CSGALNACT1: variants seen among roughly 807,000 people sequenced by gnomAD.
CSGALNACT1 encodes chondroitin sulfate N-acetylgalactosaminyltransferase 1, also known as beta4GalNAcT-1.
CSGALNACT1 carries 52 observed loss-of-function variants against 51.0 expected under a neutral mutation model. The observed-to-expected ratio is 1.02, with a 90% CI of 0.82 to 1.29. The LOEUF (loss-of-function observed/expected upper bound fraction) is 1.29, where lower values mean the gene tolerates loss of function less well. Ranked by LOEUF, CSGALNACT1 falls within the 50% of genes most tolerant of loss-of-function variation. The pLI is 0.00. For synonymous variants in CSGALNACT1, 341 were observed against 254.4 expected, an observed-to-expected ratio of 1.34 and a Z score of -3.24; for missense variants, 935 against 679.2, an observed-to-expected ratio of 1.38 and a Z score of -4.19.
intron 1 of CSGALNACT1, among the ~76,000 whole-genome samples, chr8:19,615,276 C>A (rs907023635): frequency 6.6e-6 from 1 of 152,184 alleles, no homozygotes; most frequent in Admixed American, 6.5e-5. Context: ...GTACTCCAGC[C>A]TGGGGGACAA....
chr8:19,610,803 C>A (rs1261665526), intron 1 of CSGALNACT1, among the ~76,000 whole-genome samples: 1 of 152,208 alleles, frequency 6.6e-6, no homozygotes, highest in South Asian at 2.1e-4. Flanking sequence ...GGCAAGAAAC[C>A]GGGATACGGA....
intron 1 of CSGALNACT1, among the ~76,000 whole-genome samples, chr8:19,739,515 G>C (rs1460548732): frequency 6.6e-6 from 1 of 152,104 alleles, no homozygotes; most frequent in Non-Finnish European, 1.5e-5. Flanking sequence ...TTCACAAAAA[G>C]AATCACAGCA....
chr8:19,433,142 T>G (rs576333932), intron 6 of CSGALNACT1, among the ~76,000 whole-genome samples: 9 of 152,222 alleles, frequency 5.9e-5, no homozygotes, highest in Non-Finnish European at 1.0e-4. Flanking sequence ...TTCTTTATTG[T>G]GCGACCACTT....
intron 4 of CSGALNACT1, among the ~76,000 whole-genome samples, chr8:19,478,716 T>C (rs996724972): frequency 1.3e-5 from 2 of 152,146 alleles, no homozygotes; most frequent in Non-Finnish European, 2.9e-5. Context: ...CCCCCCTTTC[T>C]CCACTGCTGA....
chr8:19,551,727 C>T (rs1038267377), intron 3 of CSGALNACT1, among the ~76,000 whole-genome samples: 1 of 150,724 alleles, frequency 6.6e-6, no homozygotes, highest in East Asian at 1.9e-4. Flanking sequence ...CCAATTCCCA[C>T]TCAACAATTT....
At chr8:19,527,472 T>C (rs1408852800) in intron 3 of CSGALNACT1, among the ~76,000 whole-genome samples, 1 of 151,866 alleles carries the variant, frequency 6.6e-6, no homozygotes, top group African/African-American at 2.4e-5. Flanking sequence ...TAGCCAGGCA[T>C]GGTGGTGGGT....
At chr8:19,742,236 G>A (rs1297914604) in intron 1 of CSGALNACT1, among the ~76,000 whole-genome samples, 2 of 152,184 alleles carry the variant, frequency 1.3e-5, no homozygotes. Context: ...AAAGTAACTT[G>A]CCAAAATTCC....
At chr8:19,471,606 C>A in intron 4 of CSGALNACT1, among the ~76,000 whole-genome samples, 1 of 152,204 alleles carries the variant, frequency 6.6e-6, no homozygotes, top group East Asian at 1.9e-4. Context: ...GGTTCGACGC[C>A]GGTAACTCAG....
At chr8:19,416,516 C>T (rs2056914062) in intron 8 of CSGALNACT1, among the ~76,000 whole-genome samples, 1 of 152,204 alleles carries the variant, frequency 6.6e-6, no homozygotes, top group African/African-American at 2.4e-5. Flanking sequence ...ATTCACTCAC[C>T]ATCCACTCAT....
intron 1 of CSGALNACT1, among the ~76,000 whole-genome samples, chr8:19,711,603 C>T (rs959979605): frequency 1.3e-5 from 2 of 152,092 alleles, no homozygotes; most frequent in African/African-American, 2.4e-5. Context: ...ATGTACTTGC[C>T]AAATGGATCT....
intron 1 of CSGALNACT1, among the ~76,000 whole-genome samples, chr8:19,609,085 G>C (rs1564249675): frequency 1.3e-5 from 2 of 151,682 alleles, no homozygotes; most frequent in South Asian, 4.2e-4. Context: ...TTAACAGAAT[G>C]AATCTTTCAC....
chr8:19,682,113 G>A (rs1026602342), intron 1 of CSGALNACT1, among the ~76,000 whole-genome samples: 1 of 152,140 alleles, frequency 6.6e-6, no homozygotes, highest in Non-Finnish European at 1.5e-5. Context: ...TGGCTTCCAG[G>A]TTGTTGTGAA....
intron 1 of CSGALNACT1, among the ~76,000 whole-genome samples, chr8:19,719,344 C>T (rs1005671549): frequency 3.9e-5 from 6 of 152,108 alleles, no homozygotes; most frequent in Non-Finnish European, 5.9e-5. Flanking sequence ...CCCTGTGATG[C>T]GAGGTTGACA....
rs376008359 is a variant in CSGALNACT1 at position 19,454,252 on chromosome 8, A to G, written c.851+4174T>C. On this transcript the variant is annotated intron_variant, in intron 5 of 9. Coordinates refer to ENST00000454498, the Ensembl canonical transcript of CSGALNACT1. ...TGACCATACAATATAGCCAACTAAG[A>G]ACTCAGGAATGGAAAGCTATTGGAA... Among the ~76,000 whole-genome samples the G allele has an allele frequency of 9.8e-4, 149 of 152,348 alleles. 2 individuals are homozygous for G. The South Asian group carries it at 0.016, about 17-fold the overall frequency.
At chr8:19,567,976 T>C (rs909415750) in intron 3 of CSGALNACT1, among the ~76,000 whole-genome samples, 1 of 152,224 alleles carries the variant, frequency 6.6e-6, no homozygotes, top group Non-Finnish European at 1.5e-5. Flanking sequence ...GTAACTTCAC[T>C]GAGTTCTCTA....
chr8:19,680,099 A>T (rs563144441), intron 1 of CSGALNACT1, among the ~76,000 whole-genome samples: 32 of 152,324 alleles, frequency 2.1e-4, no homozygotes, highest in Admixed American at 1.5e-3. Flanking sequence ...ATAATGTTAT[A>T]GATTTCTATG....
intron 4 of CSGALNACT1, among the ~76,000 whole-genome samples, chr8:19,481,163 C>T (rs529337430): frequency 6.9e-6 from 1 of 145,352 alleles, no homozygotes; most frequent in Admixed American, 7.2e-5. Context: ...CTTCATCTTT[C>T]CAGTCACATC....
At chr8:19,523,935 T>C (rs2081196494) in intron 3 of CSGALNACT1, among the ~76,000 whole-genome samples, 1 of 152,298 alleles carries the variant, frequency 6.6e-6, no homozygotes, top group African/African-American at 2.4e-5. Context: ...CCTTTCAAGT[T>C]GAGTATTATT....
At chr8:19,692,483 T>A (rs868179702) in intron 1 of CSGALNACT1, among the ~76,000 whole-genome samples, 1 of 152,132 alleles carries the variant, frequency 6.6e-6, no homozygotes, top group Non-Finnish European at 1.5e-5. Flanking sequence ...GGGAGATAGA[T>A]GGTGATGATG....
Sources: allele counts gnomAD v4.1 joint callset (sites outside exome capture counted in the v4.1 genomes callset), GRCh38; gene constraint gnomAD v4.1.1; transcripts MANE v1.5; gene names NCBI Gene and HGNC (gene_info 2026-07-23, HGNC 2026-07-21).